The following ANK3 variants were observed in gnomAD, a reference collection of about 807,000 sequenced individuals.
The protein encoded by ANK3 is ankyrin-3.
In ANK3, 57 loss-of-function variants were observed where a neutral mutation model predicts 370.9. The ratio of observed to expected loss-of-function variants is 0.15; its 90% CI spans 0.12 to 0.19. ANK3 has a LOEUF of 0.19. Among genes scored for constraint, ANK3 ranks in the 10% least tolerant of loss-of-function variants. The probability of loss-of-function intolerance (pLI) is 1.00; values close to 1 mark genes in which losing one functional copy is unlikely to be tolerated. For missense variants in ANK3, 4,439 were observed against 5,302.1 expected (o/e 0.84, Z 5.06); for synonymous variants, 1,929 against 1,946.3 (o/e 0.99, Z 0.23).
chr10:60,114,239 G>T lies in ANK3; in HGVS notation c.2934C>A (p.Ser978Arg). The T allele has an allele frequency of 1.2e-6, 2 of 1,602,234 alleles. No individual in the cohort carries two copies. The highest frequency in any genetic ancestry group is 3.4e-5 in the Admixed American group (2 of 58,222). Residue 978 changes from serine (S) to arginine (R), a missense_variant, in exon 26 of 44, where the codon AGC becomes AGA. Ser to Arg is a moderately radical substitution (Grantham distance 110). Transcript: ENST00000280772. ...AGGTTACTTACCCAGAATGAATGGG[G>T]CTTGAAACAAGATTGACATTGTCTA... ...DTLDNVNLVS[S>R]PIHSGFLVSF...
intron 1 of ANK3, among the ~76,000 whole-genome samples, chr10:60,375,565 C>T (rs1160930649): frequency 6.6e-6 from 1 of 152,148 alleles, no homozygotes; most frequent in Admixed American, 6.5e-5. Context: ...GAGGCACCTT[C>T]ACTGACTGTC....
chr10:60,472,389 C>T (rs945958618), intron 2 of ANK3, among the ~76,000 whole-genome samples: 5 of 152,176 alleles, frequency 3.3e-5, no homozygotes, highest in African/African-American at 1.2e-4. Context: ...ACTAAGCCAT[C>T]ACAAAACACT....
intron 11 of ANK3, among the ~76,000 whole-genome samples, chr10:60,205,447 C>T (rs2096747671): frequency 6.6e-6 from 1 of 152,186 alleles, no homozygotes; most frequent in Non-Finnish European, 1.5e-5. Context: ...TACCTCCAGA[C>T]ATGACTAAAC....
At chr10:60,375,855 C>T (rs545519497) in intron 1 of ANK3, among the ~76,000 whole-genome samples, 2 of 152,192 alleles carry the variant, frequency 1.3e-5, no homozygotes, top group Non-Finnish European at 2.9e-5. Flanking sequence ...TCACTGATGA[C>T]TATCACTAAA....
At chr10:60,511,062 T>A (rs1019639743) in intron 2 of ANK3, among the ~76,000 whole-genome samples, 3 of 152,132 alleles carry the variant, frequency 2.0e-5, no homozygotes, top group African/African-American at 7.2e-5. Flanking sequence ...CTAGTTAACT[T>A]CTGTTTCTTA....
chr10:60,329,412 G>A (rs1156526431), intron 1 of ANK3, among the ~76,000 whole-genome samples: 1 of 152,128 alleles, frequency 6.6e-6, no homozygotes, highest in Non-Finnish European at 1.5e-5. Context: ...ATCTCCTTAA[G>A]CTGATAAGCA....
chr10:60,561,247 G>C (rs186558384), intron 2 of ANK3, among the ~76,000 whole-genome samples: 1 of 152,052 alleles, frequency 6.6e-6, no homozygotes. Context: ...GTATTCCAAG[G>C]TAATATTTCA....
intron 28 of ANK3, 79 bp downstream of exon 28, chr10:60,105,826 G>A (rs1235205631): frequency 1.1e-5 from 15 of 1,415,674 alleles, no homozygotes; most frequent in South Asian, 1.5e-5. Flanking sequence ...TGAAATTCAG[G>A]TCCTGTTTCA....
intron 1 of ANK3, among the ~76,000 whole-genome samples, chr10:60,663,622 C>T (rs557869679): frequency 3.3e-5 from 5 of 152,294 alleles, no homozygotes; most frequent in South Asian, 4.1e-4. Flanking sequence ...CAGAATACGT[C>T]TGATAATAGC....
chr10:60,451,730 G>A (rs2064608175), intron 2 of ANK3, among the ~76,000 whole-genome samples: 1 of 152,346 alleles, frequency 6.6e-6, no homozygotes, highest in East Asian at 1.9e-4. Context: ...GGGCCTCTGG[G>A]CAGCTCCAAA....
chr10:60,242,825 T>G (rs2097488993), intron 7 of ANK3, among the ~76,000 whole-genome samples: 1 of 152,226 alleles, frequency 6.6e-6, no homozygotes, highest in Non-Finnish European at 1.5e-5. Context: ...TATCGAATGT[T>G]TTTCTTTATT....
intron 42 of ANK3, chr10:60,051,664 CTTTTTTT>C (rs35764181): frequency 5.9e-4 from 90 of 151,744 alleles, no homozygotes; most frequent in Non-Finnish European, 7.2e-4. Flanking sequence ...ATGTTTTCTT[CTTTTTTT>C]TTTTTTTTTT....
intron 4 of ANK3, among the ~76,000 whole-genome samples, chr10:60,274,289 C>T (rs1234401277): frequency 1.3e-5 from 2 of 152,116 alleles, no homozygotes; most frequent in African/African-American, 4.8e-5. Flanking sequence ...GCTATTTCTG[C>T]TATCTATATT....
At chr10:60,694,851 A>T (rs1478343827) in intron 1 of ANK3, among the ~76,000 whole-genome samples, 1 of 150,422 alleles carries the variant, frequency 6.6e-6, no homozygotes, top group African/African-American at 2.5e-5. Flanking sequence ...AACGAGCAAA[A>T]TAACCAGCTA....
chr10:60,554,746 T>G (rs780834659), intron 2 of ANK3, among the ~76,000 whole-genome samples: 2 of 152,172 alleles, frequency 1.3e-5, no homozygotes, highest in Non-Finnish European at 2.9e-5. Context: ...AAAAACAAAT[T>G]TAATTTCCTG....
At chr10:60,496,184 C>G (rs1226658527) in intron 2 of ANK3, among the ~76,000 whole-genome samples, 3 of 152,140 alleles carry the variant, frequency 2.0e-5, no homozygotes, top group African/African-American at 7.2e-5. Flanking sequence ...ACATGGAACT[C>G]TACTTGCTGT....
intron 2 of ANK3, among the ~76,000 whole-genome samples, chr10:60,581,599 T>TA (rs1480696413): frequency 3.5e-5 from 5 of 141,282 alleles, no homozygotes; most frequent in African/African-American, 1.0e-4. Context: ...TAATTATTAT[T>TA]TTTTTTTTTT....
intron 2 of ANK3, among the ~76,000 whole-genome samples, chr10:60,539,626 G>A (rs2076801326): frequency 6.6e-6 from 1 of 151,910 alleles, no homozygotes; most frequent in South Asian, 2.1e-4. Flanking sequence ...AAGAGGTAGT[G>A]AAATATATGG....
At chr10:60,417,082 T>C (rs981497908) in intron 2 of ANK3, among the ~76,000 whole-genome samples, 6 of 152,268 alleles carry the variant, frequency 3.9e-5, no homozygotes, top group African/African-American at 1.4e-4. Context: ...CAGGAAGACC[T>C]AATGGAGGAT....
Sources: gnomAD v4.1 joint callset for allele counts (sites outside exome capture counted in the v4.1 genomes callset) on GRCh38, gnomAD v4.1.1 for gene constraint, MANE v1.5 for transcripts, NCBI Gene and HGNC (gene_info 2026-07-23, HGNC 2026-07-21) for gene names.